Variants in PC observed in about 807,000 individuals in gnomAD.
PC encodes the protein pyruvate carboxylase, mitochondrial.
PC carries 46 observed loss-of-function variants against 107.8 expected under a neutral mutation model. That is an observed-to-expected ratio of 0.43 (90% CI 0.34 to 0.55). The LOEUF (loss-of-function observed/expected upper bound fraction) is 0.55, where lower values mean the gene tolerates loss of function less well. Ranked by LOEUF, PC falls within the 20% of genes least tolerant of loss-of-function variation. PC has a pLI of 0.04. For missense variants in PC, 1,241 were observed against 1,643.1 expected (o/e 0.76, Z 4.23); for synonymous variants, 662 against 684.7 (o/e 0.97, Z 0.52).
At chr11:66,909,034 G>A (rs1948254321) in intron 3 of PC, among the ~76,000 whole-genome samples, 1 of 152,234 alleles carries the variant, frequency 6.6e-6, no homozygotes, top group South Asian at 2.1e-4. Context: ...CCCTATCTGG[G>A]AATAAAGAGT....
chr11:66,856,324 C>T (rs1591137794), intron 12 of PC, among the ~76,000 whole-genome samples: 1 of 149,272 alleles, frequency 6.7e-6, no homozygotes, highest in South Asian at 2.2e-4. Context: ...CGGCCCGAGG[C>T]GGAGGCCGGT....
At position 66,852,568 on chromosome 11, in the gene PC, T is replaced by A. The variant is rs1945566070; in HGVS notation, c.1696A>T (p.Met566Leu). The A allele has an allele frequency of 3.7e-6, 6 of 1,614,012 alleles. No homozygotes were observed. The African/African-American group carries it at 5.3e-5, about 14-fold the overall frequency. Residue 566 changes from methionine to leucine, a missense_variant, in exon 15 of 23, where the codon ATG (methionine) becomes TTG (leucine). Around this residue, in one of 2 missense-constraint regions of PC, gnomAD observed 1,143 missense variants for 1,551.9 expected, o/e 0.74. Coordinates refer to ENST00000393960, the MANE Select transcript of PC (RefSeq NM_001040716.2). This position sits in a 1 kb window ranked among gnomAD's most constrained non-coding sequence, Gnocchi z 4.7. Reference protein sequence around the residue: ...AVRNHPGLLLMDTTFRDAHQS... With the variant: ...AVRNHPGLLLLDTTFRDAHQS... The stretch of plus-strand genomic sequence containing the variant: ...TGGGCGTCCCTGAAGGTCGTGTCCA[T>A]CAGCAGCAGCCCCGGGTGGTTCCGC...
At chr11:66,910,440 C>A (rs1173331656) in intron 3 of PC, among the ~76,000 whole-genome samples, 3 of 152,214 alleles carry the variant, frequency 2.0e-5, no homozygotes, top group African/African-American at 7.2e-5. Context: ...TGTCGTATGA[C>A]TTCTATGGAG....
At chr11:66,859,878 C>T (rs1206615884) in intron 12 of PC, 6 of 1,564,182 alleles carry the variant, frequency 3.8e-6, no homozygotes, top group Non-Finnish European at 5.2e-6. Context: ...GGCTGCCTTA[C>T]TGGTCTTCAC....
intron 3 of PC, among the ~76,000 whole-genome samples, chr11:66,922,359 G>C (rs1948614992): frequency 6.6e-6 from 1 of 151,974 alleles, no homozygotes; most frequent in African/African-American, 2.4e-5. Flanking sequence ...CGAATCACTT[G>C]AGGTCAGCAG....
At position 66,858,407 on chromosome 11, in the gene PC, G is replaced by A; in HGVS notation, c.1369-5024C>T. ...TTTTCTCTCGTGGGCGTGATGCAGA[G>A]GCCTCTCCCGCCCCCCTGGTGCTGA... is the stretch of plus-strand genomic sequence containing the variant. On this transcript the variant is annotated intron_variant, in intron 12 of 22. Transcript: ENST00000393960. This position sits in a 1 kb window ranked among gnomAD's most constrained non-coding sequence, Gnocchi z 5.9. 6.4e-7 allele frequency: 1 copy of A among 1,557,342 alleles called. No individual in the cohort carries two copies.
At chr11:66,956,680 G>A (rs776682472) in intron 1 of PC, among the ~76,000 whole-genome samples, 26 of 152,178 alleles carry the variant, frequency 1.7e-4, no homozygotes, top group Non-Finnish European at 3.5e-4. Context: ...CACTGCAGCG[G>A]CATCAAAAAG....
intron 12 of PC, chr11:66,859,201 C>G (rs931650660): frequency 2.5e-5 from 33 of 1,328,624 alleles, no homozygotes; most frequent in Admixed American, 1.1e-4. Flanking sequence ...GCTGACACCC[C>G]CTCCCCGACC....
chr11:66,901,656 A>G (rs186540007), intron 3 of PC, among the ~76,000 whole-genome samples: 1 of 152,174 alleles, frequency 6.6e-6, no homozygotes, highest in East Asian at 1.9e-4. Context: ...TATTTTTAGT[A>G]GAGATGGGGT....
At chr11:66,909,240 G>A (rs557850171) in intron 3 of PC, among the ~76,000 whole-genome samples, 1 of 152,342 alleles carries the variant, frequency 6.6e-6, no homozygotes, top group South Asian at 2.1e-4. Context: ...CTTCTGGCTG[G>A]TGTGCTGCTG....
In PC at chr11:66,870,199, A is replaced by G; in HGVS notation, c.903+103T>C. 1.4e-6 allele frequency: 2 copies of G among 1,396,332 alleles called. No homozygotes were observed. The highest frequency in any genetic ancestry group is 2.3e-5 in the South Asian group (2 of 85,528). The allele number at this position is 1,396,332 out of a possible 1,614,324, so 86.5% of individuals were successfully genotyped here. ...CCTCTTCTCCCCATCCCCAGTCCCC[A>G]GAAGGGGACTCAGGGTCCCCTTCCC... On this transcript the variant is annotated intron_variant, in intron 9 of 22. Coordinates refer to ENST00000393960, the MANE Select transcript of PC (RefSeq NM_001040716.2). This position sits in a 1 kb window ranked among gnomAD's most constrained non-coding sequence, Gnocchi z 6.1.
chr11:66,897,832 G>T (rs1465258899), intron 3 of PC, among the ~76,000 whole-genome samples: 1 of 152,190 alleles, frequency 6.6e-6, no homozygotes, highest in African/African-American at 2.4e-5. Context: ...GAGATAACTT[G>T]CTCCAGGAGC....
chr11:66,859,116 C>T (rs779040339), intron 12 of PC: 112 of 1,478,444 alleles, frequency 7.6e-5, no homozygotes, highest in Non-Finnish European at 9.3e-5. Context: ...GCCCCACACC[C>T]GGCTGCACTC....
intron 21 of PC, 90 bp from the exon 22 acceptor site, chr11:66,849,460 C>T (rs947199729): frequency 2.5e-6 from 4 of 1,604,614 alleles, no homozygotes; most frequent in Admixed American, 1.7e-5. Context: ...CACACTGGGC[C>T]TTGGCTCCTC....
chr11:66,869,778 T>C (rs1376459668), intron 9 of PC, among the ~76,000 whole-genome samples: 1 of 152,054 alleles, frequency 6.6e-6, no homozygotes, highest in Non-Finnish European at 1.5e-5. Flanking sequence ...CAGGTCACTG[T>C]GGGGAGATAG....
At chr11:66,943,504 C>T (rs1422688669) in intron 3 of PC, among the ~76,000 whole-genome samples, 1 of 151,532 alleles carries the variant, frequency 6.6e-6, no homozygotes, top group Admixed American at 6.6e-5. Flanking sequence ...TTTGGGAGGC[C>T]GAGGCCCGGA....
At chr11:66,919,484 T>C (rs1948543723) in intron 3 of PC, among the ~76,000 whole-genome samples, 1 of 152,200 alleles carries the variant, frequency 6.6e-6, no homozygotes, top group Admixed American at 6.5e-5. Flanking sequence ...GGGTGGGGCC[T>C]GTGACTCTGA....
intron 3 of PC, among the ~76,000 whole-genome samples, chr11:66,884,282 C>T (rs778258726): frequency 2.0e-5 from 3 of 151,528 alleles, no homozygotes; most frequent in Non-Finnish European, 4.4e-5. Flanking sequence ...CATGGTGGTG[C>T]CCATAGATAG....
intron 10 of PC, among the ~76,000 whole-genome samples, chr11:66,867,213 C>G (rs2135921953): frequency 6.6e-6 from 1 of 152,278 alleles, no homozygotes; most frequent in African/African-American, 2.4e-5. Context: ...TGGTGAAACC[C>G]TGTCTCTACT....
Sources: gnomAD v4.1 joint callset for allele counts (sites outside exome capture counted in the v4.1 genomes callset) on GRCh38, gnomAD v4.1.1 for gene constraint, gnomAD v4.1.1 regional missense constraint, Gnocchi (gnomAD v3.1) non-coding constraint, MANE v1.5 for transcripts, NCBI Gene and HGNC (gene_info 2026-07-23, HGNC 2026-07-21) for gene names.